Variants in CDH17 observed in about 807,000 individuals in gnomAD.
CDH17 encodes cadherin-17.
In CDH17, 67 loss-of-function variants were observed where a neutral mutation model predicts 86.3. The ratio of observed to expected loss-of-function variants is 0.78; its 90% CI spans 0.64 to 0.95. The LOEUF (loss-of-function observed/expected upper bound fraction) is 0.95, where lower values mean the gene tolerates loss of function less well. Among genes scored for constraint, CDH17 ranks in the 40% least tolerant of loss-of-function variants. The pLI, the probability that CDH17 is intolerant of heterozygous loss-of-function variation, is 0.00. For missense variants in CDH17, 993 were observed against 1,017.6 expected (o/e 0.98, Z 0.33); for synonymous variants, 367 against 366.4 (o/e 1.00, Z -0.02).
intron 9 of CDH17, among the ~76,000 whole-genome samples, chr8:94,167,587 G>A (rs1307535651): frequency 6.6e-6 from 1 of 152,200 alleles, no homozygotes; most frequent in African/African-American, 2.4e-5. Context: ...TAGTGCATAT[G>A]GCATGCATAT....
At chr8:94,138,992 A>G (rs1812584875) in intron 15 of CDH17, among the ~76,000 whole-genome samples, 1 of 152,200 alleles carries the variant, frequency 6.6e-6, no homozygotes, top group Admixed American at 6.5e-5. Context: ...CATTCAGTAA[A>G]AGAGAAAAAT....
chr8:94,164,360 C>T (rs929304396), intron 10 of CDH17, among the ~76,000 whole-genome samples: 1 of 152,208 alleles, frequency 6.6e-6, no homozygotes, highest in African/African-American at 2.4e-5. Context: ...ATGAGTGCTC[C>T]TTGAGGACAG....
At chr8:94,160,375 C>G (rs1043956859) in intron 11 of CDH17, among the ~76,000 whole-genome samples, 1 of 152,152 alleles carries the variant, frequency 6.6e-6, no homozygotes, top group East Asian at 1.9e-4. Flanking sequence ...GAACGCAATA[C>G]CTCAGAGAGC....
At chr8:94,181,428 T>G (rs1340957405) in intron 3 of CDH17, among the ~76,000 whole-genome samples, 1 of 151,886 alleles carries the variant, frequency 6.6e-6, no homozygotes, top group East Asian at 1.9e-4. Context: ...CTCAATAAAT[T>G]TAAAGGGATT....
chr8:94,163,468 C>T (rs1243366960), intron 10 of CDH17, among the ~76,000 whole-genome samples: 1 of 152,186 alleles, frequency 6.6e-6, no homozygotes, highest in Non-Finnish European at 1.5e-5. Flanking sequence ...GTCACGCCCC[C>T]GTTGCCAACA....
At chr8:94,200,081 C>G (rs1403915646) in intron 1 of CDH17, among the ~76,000 whole-genome samples, 3 of 152,178 alleles carry the variant, frequency 2.0e-5, no homozygotes, top group Admixed American at 1.3e-4. Flanking sequence ...CCAAATGAGG[C>G]AGCAAGGCAA....
At chr8:94,197,142 A>T (rs1813800045) in intron 1 of CDH17, 1 of 151,886 alleles carries the variant, frequency 6.6e-6, no homozygotes, top group Non-Finnish European at 1.5e-5. Flanking sequence ...CTGCTCTTAA[A>T]CTCACTTCTT....
chr8:94,205,221 G>A (rs1814002631), intron 1 of CDH17, among the ~76,000 whole-genome samples: 1 of 152,098 alleles, frequency 6.6e-6, no homozygotes, highest in African/African-American at 2.4e-5. Flanking sequence ...ATCTTCCCTG[G>A]ACTAAAGAGG....
chr8:94,128,077 A>T lies in CDH17; in HGVS notation c.*163T>A. On this transcript the variant is annotated 3_prime_UTR_variant, in exon 18 of 18. Coordinates refer to ENST00000027335, the MANE Select transcript of CDH17 (RefSeq NM_004063.4). ...CACTGTACTCCAGCCTGGGCGACAG[A>T]GCAAGACTCCACCTCAAAAAAGAAA... 1.7e-6 allele frequency: 1 copy of T among 588,488 alleles called. No homozygotes were observed. The highest frequency in any genetic ancestry group is 2.9e-5 in the East Asian group (1 of 34,098). The allele number at this position is 588,488 out of a possible 1,614,324, so 36.5% of individuals were successfully genotyped here.
At chr8:94,189,887 A>G (rs1813654704) in intron 2 of CDH17, among the ~76,000 whole-genome samples, 1 of 152,204 alleles carries the variant, frequency 6.6e-6, no homozygotes, top group Non-Finnish European at 1.5e-5. Context: ...TTAACATTTG[A>G]TTAGCTCTTT....
At chr8:94,139,174 T>A (rs1432141075) in intron 15 of CDH17, among the ~76,000 whole-genome samples, 2 of 152,080 alleles carry the variant, frequency 1.3e-5, no homozygotes, top group Non-Finnish European at 2.9e-5. Context: ...AGTTAATTTA[T>A]AGAAGAAAAC....
intron 1 of CDH17, among the ~76,000 whole-genome samples, chr8:94,216,158 GT>G (rs11322237): frequency 0.16 from 23,683 of 152,032 alleles, 1,960 homozygotes; most frequent in Non-Finnish European, 0.17. Flanking sequence ...CCTCCCTTTA[GT>G]TTTCCCACTC....
chr8:94,163,844 G>A (rs1465625314), intron 10 of CDH17, among the ~76,000 whole-genome samples: 1 of 152,182 alleles, frequency 6.6e-6, no homozygotes, highest in Non-Finnish European at 1.5e-5. Context: ...CTGAAGACTG[G>A]AGTGGTCCCA....
chr8:94,211,561 C>T (rs966257972), upstream of CDH17, among the ~76,000 whole-genome samples: 9 of 152,194 alleles, frequency 5.9e-5, no homozygotes, highest in African/African-American at 1.2e-4. Context: ...GATCTGCCTG[C>T]CTTGGCCTCC....
At chr8:94,205,091 G>A (rs1340880901) in intron 1 of CDH17, among the ~76,000 whole-genome samples, 1 of 152,160 alleles carries the variant, frequency 6.6e-6, no homozygotes, top group African/African-American at 2.4e-5. Context: ...TAAGCAGGTA[G>A]CCAGGAAGAA....
chr8:94,199,037 TGATATATATATATATA>T (rs1459898250), intron 1 of CDH17, among the ~76,000 whole-genome samples: 3 of 84,404 alleles, frequency 3.6e-5, no homozygotes, highest in African/African-American at 1.8e-4. Flanking sequence ...CAGTTCTGAT[TGATATATATATATATA>T]TATATATATA....
At chr8:94,190,289 G>A (rs528819727) in intron 2 of CDH17, among the ~76,000 whole-genome samples, 9 of 152,350 alleles carry the variant, frequency 5.9e-5, no homozygotes, top group South Asian at 2.1e-4. Flanking sequence ...CCACCAGAGC[G>A]GGTGAAACAG....
rs73695134 is a variant in CDH17 at position 94,156,163 on chromosome 8, C to T, written c.1551+3808G>A. Reference sequence around the variant, plus strand: ...CCACGATTCCTTTTGTGCACAAAACCGCCTGAAAGGTCAAACCTAGAGATT... The same window carrying T: ...CCACGATTCCTTTTGTGCACAAAACTGCCTGAAAGGTCAAACCTAGAGATT... On this transcript the variant is annotated intron_variant, in intron 12 of 17. Coordinates refer to ENST00000027335, the MANE Select transcript of CDH17 (RefSeq NM_004063.4). Among the ~76,000 whole-genome samples, 1,239 of 152,236 alleles carry T rather than the reference C, an allele frequency of 8.1e-3. 11 individuals carry two copies. The highest frequency in any genetic ancestry group is 0.028 in the African/African-American group (1,148 of 41,528).
intron 15 of CDH17, among the ~76,000 whole-genome samples, chr8:94,135,220 C>A (rs190479049): frequency 5.8e-4 from 89 of 152,244 alleles, no homozygotes; most frequent in African/African-American, 2.0e-3. Context: ...TCCTTGTTAA[C>A]CTTCTGTCTC....
Sources: gnomAD v4.1 joint callset for allele counts (sites outside exome capture counted in the v4.1 genomes callset) on GRCh38, gnomAD v4.1.1 for gene constraint, MANE v1.5 for transcripts, NCBI Gene and HGNC (gene_info 2026-07-23, HGNC 2026-07-21) for gene names.